Variants in HAVCR1 observed in about 807,000 individuals in gnomAD.
The protein encoded by HAVCR1 is hepatitis A virus cellular receptor 1.
Under a neutral mutation model 32.0 loss-of-function variants are expected in HAVCR1, and 34 were observed. That is an observed-to-expected ratio of 1.06 (90% CI 0.81 to 1.42). The LOEUF is 1.42. Ranked by LOEUF, HAVCR1 falls within the 40% of genes most tolerant of loss-of-function variation. The probability of loss-of-function intolerance (pLI) is 0.00; values close to 1 mark genes in which losing one functional copy is unlikely to be tolerated. For missense variants in HAVCR1, 420 were observed against 442.3 expected, an observed-to-expected ratio of 0.95 and a Z score of 0.45; for synonymous variants, 178 against 170.3, an observed-to-expected ratio of 1.05 and a Z score of -0.35.
chr5:157,056,779 T>C (rs1410916689), intron 2 of HAVCR1, among the ~76,000 whole-genome samples: 1 of 152,182 alleles, frequency 6.6e-6, no homozygotes. Context: ...AAGTATATAA[T>C]GAGAGATTAT....
At chr5:157,036,414 G>C (rs1273510954) in intron 7 of HAVCR1, among the ~76,000 whole-genome samples, 1 of 152,224 alleles carries the variant, frequency 6.6e-6, no homozygotes, top group African/African-American at 2.4e-5. Context: ...AGGAGGTGGA[G>C]GTTGCAGTGA....
intron 5 of HAVCR1, among the ~76,000 whole-genome samples, chr5:157,044,475 G>A (rs1417102981): frequency 2.0e-5 from 1 of 51,058 alleles, no homozygotes; most frequent in African/African-American, 8.3e-5. Flanking sequence ...AAGAAAGGAA[G>A]GAAGGAAGGA....
rs1561599383 is a variant in HAVCR1 at position 157,052,495 on chromosome 5, GTCA to G, written c.536_538del (p.Leu179_Thr180delinsPro). 3.1e-6 allele frequency: 5 copies of G among 1,602,984 alleles called. No homozygotes were observed. In the Admixed American group the frequency reaches 8.5e-5, roughly 27 times the overall value. On this transcript the variant is annotated inframe_deletion, in exon 4 of 9. Transcript: ENST00000523175. ...CGTTGTCGTTGAAACAGTCATTGTC[GTCA>G]GAACAGTCGTTGTCGTTGGAATGCT...
At chr5:157,032,419 G>T (rs998009849) in intron 8 of HAVCR1, among the ~76,000 whole-genome samples, 2 of 152,222 alleles carry the variant, frequency 1.3e-5, no homozygotes, top group Non-Finnish European at 2.9e-5. Flanking sequence ...TGGGGAGGCT[G>T]AGGCAGGAGA....
chr5:157,064,732 G>A, the HAVCR1 span, among the ~76,000 whole-genome samples: 1 of 152,076 alleles, frequency 6.6e-6, no homozygotes, highest in East Asian at 1.9e-4. Flanking sequence ...GCCAGGCATG[G>A]TCGTGGGTGC....
At position 157,038,487 on chromosome 5, in the gene HAVCR1, G is replaced by A. The variant is rs1023054662; in HGVS notation, c.838-1126C>T. On this transcript the variant is annotated intron_variant, in intron 6 of 8. Transcript: ENST00000523175. ...TTAGTCACTATGTGACCATGGACAA[G>A]CTATTTAGCCTCTCTGAATCTATTT... Among the ~76,000 whole-genome samples the A allele has an allele frequency of 5.3e-5, 8 of 152,286 alleles. No homozygotes were observed. In the East Asian group the frequency reaches 1.3e-3, roughly 26 times the overall value.
intron 5 of HAVCR1, among the ~76,000 whole-genome samples, chr5:157,044,629 G>GAAAAAGAAAGAA (rs1554090537): frequency 1.6e-5 from 1 of 61,620 alleles, no homozygotes; most frequent in African/African-American, 6.4e-5. Context: ...AAGAAAGAAA[G>GAAAAAGAAAGAA]AAAGAAAGAA....
At chr5:157,050,867 A>C (rs1377289554) in intron 4 of HAVCR1, among the ~76,000 whole-genome samples, 2 of 152,180 alleles carry the variant, frequency 1.3e-5, no homozygotes, top group African/African-American at 2.4e-5. Flanking sequence ...TACTAGCCCA[A>C]CCCTTCAGAT....
intron 5 of HAVCR1, 134 bp from the exon 6 acceptor site, chr5:157,042,816 C>A: frequency 1.7e-6 from 1 of 578,674 alleles, no homozygotes; most frequent in South Asian, 2.4e-5. Context: ...GCAGGCACTG[C>A]AAGAGTCATA....
In HAVCR1 at chr5:157,053,113, G is replaced by A. The variant is rs75090038; in HGVS notation, c.380-459C>T. Among the ~76,000 whole-genome samples, 155 of 152,210 alleles carry A rather than the reference G, an allele frequency of 1.0e-3. 2 individuals carry two copies. The East Asian group carries it at 0.026, about 25-fold the overall frequency. On this transcript the variant is annotated intron_variant, in intron 3 of 8. Coordinates refer to ENST00000523175, the MANE Select transcript of HAVCR1 (RefSeq NM_001173393.3). ...AAAACTTTTTTTGTAGAGACTGGGCGTGGTGGCTCACGCCTGTAATCCCAG... is the reference window on the plus strand; with the variant it reads ...AAAACTTTTTTTGTAGAGACTGGGCATGGTGGCTCACGCCTGTAATCCCAG...
At chr5:157,062,013 C>T (rs1756500094), upstream of HAVCR1, among the ~76,000 whole-genome samples, 1 of 152,154 alleles carries the variant, frequency 6.6e-6, no homozygotes, top group Non-Finnish European at 1.5e-5. Context: ...CAATATAGCA[C>T]AGTGGATTTT....
upstream of HAVCR1, among the ~76,000 whole-genome samples, chr5:157,062,525 G>A (rs760584793): frequency 5.9e-5 from 9 of 152,084 alleles, no homozygotes; most frequent in Non-Finnish European, 8.8e-5. Context: ...TTTCACCACA[G>A]CAAGATCTTC....
chr5:157,049,035 TA>T lies in HAVCR1; in HGVS notation c.781+2del. The T allele has an allele frequency of 6.6e-7, 1 of 1,516,560 alleles. No individual in the cohort carries two copies. The highest frequency in any genetic ancestry group is 9.2e-7 in the Non-Finnish European group (1 of 1,091,038). 93.9% of individuals were successfully genotyped at this position (1,516,560 alleles called of 1,614,324 possible). On this transcript the variant is annotated splice_donor_variant, in intron 5 of 8. Transcript: ENST00000523175. LOFTEE classifies it high-confidence loss of function. ...AGGTCTTCAGGAAAGAGAACGCAGTTACCTGTTGTGTAAGAGTACAATGGTG... is the reference window on the plus strand; with the variant it reads ...AGGTCTTCAGGAAAGAGAACGCAGTTCCTGTTGTGTAAGAGTACAATGGTG...
At chr5:157,054,303 C>T (rs1256045298) in intron 3 of HAVCR1, among the ~76,000 whole-genome samples, 2 of 151,710 alleles carry the variant, frequency 1.3e-5, no homozygotes, top group African/African-American at 4.8e-5. Context: ...AGTTCAAGAC[C>T]AGCCTGGCCA....
chr5:157,029,799 T>A lies in HAVCR1; in HGVS notation c.1029A>T (p.Ala343=). Residue 343 remains alanine (A), a synonymous_variant, in exon 9 of 9, where the codon GCA becomes GCT. Transcript: ENST00000523175. Reference sequence around the variant, plus strand: ...CTTCTGCTTGGACTTCCTTTTCAACTGCATTTTGCAAAGCTTTAATTTGAA... The same window carrying A: ...CTTCTGCTTGGACTTCCTTTTCAACAGCATTTTGCAAAGCTTTAATTTGAA... ...SSLQIKALQN[A]VEKEVQAEDN... 1 of 1,612,028 alleles carries A rather than the reference T, an allele frequency of 6.2e-7. No individual in the cohort carries two copies. The highest frequency in any genetic ancestry group is 2.2e-5 in the East Asian group (1 of 44,824).
intron 2 of HAVCR1, 71 bp downstream of exon 2, chr5:157,057,827 C>T: frequency 1.8e-6 from 2 of 1,112,148 alleles, no homozygotes; most frequent in Non-Finnish European, 2.8e-6. Flanking sequence ...CCTCCCCTTC[C>T]CCTACCCCAT....
chr5:157,044,615 G>GAAAGAAAGAA (rs760337335), intron 5 of HAVCR1, among the ~76,000 whole-genome samples: 4 of 52,658 alleles, frequency 7.6e-5, no homozygotes, highest in Non-Finnish European at 1.6e-4. Flanking sequence ...AAGAAAGAAA[G>GAAAGAAAGAA]AGAAAGAAAG....
At chr5:157,035,808 AAAT>A (rs1309443513) in intron 7 of HAVCR1, among the ~76,000 whole-genome samples, 1 of 152,194 alleles carries the variant, frequency 6.6e-6, no homozygotes, top group Non-Finnish European at 1.5e-5. Flanking sequence ...AAAAAAATAA[AAAT>A]AATACACAAC....
At chr5:157,034,248 G>T (rs1436498204) in intron 7 of HAVCR1, among the ~76,000 whole-genome samples, 1 of 151,976 alleles carries the variant, frequency 6.6e-6, no homozygotes, top group Non-Finnish European at 1.5e-5. Flanking sequence ...TGGGGAGAGG[G>T]TCAGCAGGAA....
Sources: allele counts gnomAD v4.1 joint callset (sites outside exome capture counted in the v4.1 genomes callset), GRCh38; gene constraint gnomAD v4.1.1; transcripts MANE v1.5; gene names NCBI Gene and HGNC (gene_info 2026-07-23, HGNC 2026-07-21).